NALF1: variants seen among roughly 807,000 people sequenced by gnomAD.
NALF1 encodes family with sequence similarity 155 member A.
In NALF1, 3 loss-of-function variants were observed where a neutral mutation model predicts 48.4. The observed-to-expected ratio is 0.06, with a 90% confidence interval of 0.03 to 0.16. NALF1 has a LOEUF of 0.16. NALF1 is among the 10% of genes least tolerant of loss of function. The pLI is 1.00. For synonymous variants in NALF1, 262 were observed against 245.7 expected, an observed-to-expected ratio of 1.07 and a Z score of -0.62; for missense variants, 526 against 571.5, an observed-to-expected ratio of 0.92 and a Z score of 0.81.
intron 1 of NALF1, among the ~76,000 whole-genome samples, chr13:107,628,251 T>C (rs1879734469): frequency 6.6e-6 from 1 of 152,134 alleles, no homozygotes; most frequent in Non-Finnish European, 1.5e-5. Flanking sequence ...GATCTGGTCA[T>C]TCGGTGTTAT....
intron 1 of NALF1, among the ~76,000 whole-genome samples, chr13:107,698,063 ATT>A (rs1324301496): frequency 6.6e-6 from 1 of 152,088 alleles, no homozygotes; most frequent in Non-Finnish European, 1.5e-5. Context: ...GCTTTTTTAA[ATT>A]TCTTCTGGAA....
intron 1 of NALF1, among the ~76,000 whole-genome samples, chr13:107,403,188 CTTTTTTTTTTTTTTTT>C (rs10710356): frequency 1.2e-4 from 5 of 42,478 alleles, no homozygotes; most frequent in Non-Finnish European, 2.1e-4. Context: ...CTTGTTCGGG[CTTTTTTTTTTTTTTTT>C]TTTTTTTTTT....
rs1454809085 is a variant in NALF1, at chr13:107,168,663, T to G, written c.*1834A>C. On this transcript the variant is annotated 3_prime_UTR_variant, in exon 3 of 3. Coordinates refer to ENST00000375915, the MANE Select transcript of NALF1 (RefSeq NM_001080396.3). Reference sequence around the variant, plus strand: ...GTACTGCTAAACAATTCTAGCAATTTTATTAAGCAATACCTTTATTATTTT... The same window carrying G: ...GTACTGCTAAACAATTCTAGCAATTGTATTAAGCAATACCTTTATTATTTT... 1 of 152,666 alleles carries G rather than the reference T, an allele frequency of 6.6e-6. No homozygotes were observed. Among genetic ancestry groups the G allele is most frequent in the East Asian group, 1.9e-4 (1 of 5,206 alleles). The allele number at this position is 152,666 out of a possible 1,614,324, so 9.5% of individuals were successfully genotyped here. A position where few individuals can be genotyped will look rare whatever the true frequency, so the allele number is the denominator to read the frequency against.
chr13:107,785,104 GTATGTA>G (rs1196536800), intron 1 of NALF1, among the ~76,000 whole-genome samples: 4 of 151,436 alleles, frequency 2.6e-5, no homozygotes, highest in Non-Finnish European at 5.9e-5. Context: ...ACATATATAT[GTATGTA>G]TATGTATATA....
chr13:107,164,492 T>C lies in NALF1; in HGVS notation c.*6005A>G, dbSNP rs1383321495. Reference sequence around the variant, plus strand: ...TTAAGGAATTCAGAGGCATCAAATATTTATATATATTTTTTGATCTATGAG... The same window carrying C: ...TTAAGGAATTCAGAGGCATCAAATACTTATATATATTTTTTGATCTATGAG... On this transcript the variant is annotated 3_prime_UTR_variant, in exon 3 of 3. Transcript: ENST00000375915. 6.6e-6 allele frequency: 1 copy of C among 151,198 alleles called. No individual in the cohort carries two copies. The highest frequency in any genetic ancestry group is 1.5e-5 in the Non-Finnish European group (1 of 67,660). 9.4% of individuals were successfully genotyped at this position (151,198 alleles called of 1,614,324 possible).
At chr13:107,754,349 T>C (rs1004876371) in intron 1 of NALF1, among the ~76,000 whole-genome samples, 7 of 121,530 alleles carry the variant, frequency 5.8e-5, no homozygotes, top group African/African-American at 1.9e-4. Flanking sequence ...TTTTTGTACA[T>C]TGTGAACACA....
intron 1 of NALF1, among the ~76,000 whole-genome samples, chr13:107,377,972 C>T (rs766343470): frequency 2.0e-5 from 3 of 150,632 alleles, no homozygotes; most frequent in Admixed American, 6.6e-5. Context: ...CCTTTGTTTT[C>T]CTCCCAGTTC....
intron 1 of NALF1, among the ~76,000 whole-genome samples, chr13:107,219,628 T>C (rs1464874539): frequency 6.6e-6 from 1 of 152,206 alleles, no homozygotes; most frequent in Non-Finnish European, 1.5e-5. Flanking sequence ...TGATGATTAA[T>C]AAATGAATGT....
At chr13:107,666,082 C>G (rs1594193465) in intron 1 of NALF1, among the ~76,000 whole-genome samples, 1 of 152,000 alleles carries the variant, frequency 6.6e-6, no homozygotes, top group East Asian at 1.9e-4. Context: ...CAAAATTGCC[C>G]TTGTTGGATG....
intron 1 of NALF1, among the ~76,000 whole-genome samples, chr13:107,761,959 T>G (rs567639430): frequency 6.6e-6 from 1 of 152,324 alleles, no homozygotes; most frequent in East Asian, 1.9e-4. Context: ...AAGTGCTATG[T>G]AAATGTCAGT....
intron 1 of NALF1, among the ~76,000 whole-genome samples, chr13:107,727,311 T>TA (rs1167494770): frequency 2.6e-5 from 4 of 152,212 alleles, no homozygotes; most frequent in Non-Finnish European, 5.9e-5. Flanking sequence ...TATTTCCTTA[T>TA]ATCTATGTGA....
At chr13:107,842,589 T>C (rs369035032) in intron 1 of NALF1, among the ~76,000 whole-genome samples, 1 of 151,704 alleles carries the variant, frequency 6.6e-6, no homozygotes. Flanking sequence ...CAATGCCTTA[T>C]AAAAGAGTTT....
At chr13:107,475,890 C>T (rs909940839) in intron 1 of NALF1, among the ~76,000 whole-genome samples, 1 of 152,098 alleles carries the variant, frequency 6.6e-6, no homozygotes, top group Non-Finnish European at 1.5e-5. Context: ...TGCCCAAATA[C>T]AATTTCCCTC....
At chr13:107,771,689 T>C (rs564762880) in intron 1 of NALF1, among the ~76,000 whole-genome samples, 18 of 152,138 alleles carry the variant, frequency 1.2e-4, no homozygotes, top group Non-Finnish European at 2.4e-4. Flanking sequence ...GTTTACTAAA[T>C]AGACTCAGAC....
rs113521271 is a variant in NALF1, at chr13:107,414,037, T to C, written c.916-203282A>G. 9.2e-3 allele frequency among the ~76,000 whole-genome samples: 1,408 copies of C among 152,282 alleles called. 27 individuals are homozygous for C. The highest frequency in any genetic ancestry group is 0.032 in the African/African-American group (1,313 of 41,578). ...CCTGACCTCAGGTGCTCAGCCCACC[T>C]TGGCCTCTGGCCTCCCAAAGTGCTG... On this transcript the variant is annotated intron_variant, in intron 1 of 2. Transcript: ENST00000375915.
intron 1 of NALF1, among the ~76,000 whole-genome samples, chr13:107,211,407 C>T (rs906158109): frequency 6.6e-6 from 1 of 152,202 alleles, no homozygotes; most frequent in Non-Finnish European, 1.5e-5. Context: ...AGGGAAGCCT[C>T]ATCAGAGCCA....
intron 1 of NALF1, among the ~76,000 whole-genome samples, chr13:107,623,279 T>C (rs185337306): frequency 6.6e-6 from 1 of 152,328 alleles, no homozygotes; most frequent in East Asian, 1.9e-4. Flanking sequence ...GACTTCTCTG[T>C]ATAGCCTGAA....
intron 1 of NALF1, among the ~76,000 whole-genome samples, chr13:107,260,126 G>T (rs1471868307): frequency 6.6e-6 from 1 of 152,216 alleles, no homozygotes; most frequent in African/African-American, 2.4e-5. Context: ...GATAGGAGTA[G>T]AAGTTAAAAT....
At chr13:107,534,742 C>G (rs1413632648) in intron 1 of NALF1, among the ~76,000 whole-genome samples, 1 of 152,156 alleles carries the variant, frequency 6.6e-6, no homozygotes, top group East Asian at 1.9e-4. Context: ...AAAACACTAA[C>G]AGTGACTCTG....
Sources: gnomAD v4.1 joint callset for allele counts (sites outside exome capture counted in the v4.1 genomes callset) on GRCh38, gnomAD v4.1.1 for gene constraint, MANE v1.5 for transcripts, NCBI Gene and HGNC (gene_info 2026-07-23, HGNC 2026-07-21) for gene names.